SSH2: variants seen among roughly 807,000 people sequenced by gnomAD.
The protein encoded by SSH2 is slingshot protein phosphatase 2, also known as protein phosphatase Slingshot homolog 2.
A neutral mutation model predicts 135.2 loss-of-function variants in SSH2; 37 were observed. The observed-to-expected ratio is 0.27, with a 90% CI of 0.21 to 0.36. The LOEUF is 0.36. SSH2 is among the 10% of genes least tolerant of loss of function. The pLI, the probability that SSH2 is intolerant of heterozygous loss-of-function variation, is 1.00. For missense variants in SSH2, 1,408 were observed against 1,765.3 expected (o/e 0.80, Z 3.63); for synonymous variants, 628 against 646.2 (o/e 0.97, Z 0.43).
chr17:29,909,058 C>T (rs2066715735), intron 1 of SSH2, among the ~76,000 whole-genome samples: 1 of 151,626 alleles, frequency 6.6e-6, no homozygotes, highest in Non-Finnish European at 1.5e-5. Flanking sequence ...GCCTGGGTGA[C>T]AGAGCAAGAC....
intron 2 of SSH2, among the ~76,000 whole-genome samples, chr17:29,835,251 T>A (rs983292677): frequency 6.6e-6 from 1 of 152,210 alleles, no homozygotes; most frequent in Non-Finnish European, 1.5e-5. Context: ...GCAAAAAGAA[T>A]AAGTGGACAG....
intron 2 of SSH2, among the ~76,000 whole-genome samples, chr17:29,820,054 A>G (rs992203126): frequency 1.5e-4 from 23 of 151,832 alleles, no homozygotes; most frequent in African/African-American, 5.6e-4. Flanking sequence ...AAAAAGGTGT[A>G]CTCATCTTGC....
chr17:29,739,236 C>T (rs146572649), intron 3 of SSH2, among the ~76,000 whole-genome samples: 96 of 152,196 alleles, frequency 6.3e-4, no homozygotes, highest in African/African-American at 2.1e-3. Flanking sequence ...GAGTTCGAAC[C>T]GAATCCACTA....
intron 2 of SSH2, among the ~76,000 whole-genome samples, chr17:29,796,155 A>G (rs1467802188): frequency 6.6e-6 from 1 of 152,242 alleles, no homozygotes; most frequent in Non-Finnish European, 1.5e-5. Flanking sequence ...AAGAGCTATA[A>G]TAGTACCAAC....
At chr17:29,772,229 C>T (rs1032671375) in intron 3 of SSH2, among the ~76,000 whole-genome samples, 2 of 150,628 alleles carry the variant, frequency 1.3e-5, no homozygotes, top group Admixed American at 6.6e-5. Context: ...TGAGGTGAGA[C>T]GGAACTAAAA....
chr17:29,885,179 A>T (rs541838202), intron 1 of SSH2, among the ~76,000 whole-genome samples: 24 of 152,170 alleles, frequency 1.6e-4, no homozygotes, highest in African/African-American at 5.8e-4. Flanking sequence ...TAGAGTACTG[A>T]ATTCATTTAC....
intron 3 of SSH2, among the ~76,000 whole-genome samples, chr17:29,743,452 T>C (rs1404205689): frequency 6.6e-6 from 1 of 152,072 alleles, no homozygotes; most frequent in East Asian, 1.9e-4. Context: ...ATTATGACAC[T>C]ATCATTTTCT....
chr17:29,903,318 T>G (rs1449110509), intron 1 of SSH2, among the ~76,000 whole-genome samples: 1 of 149,044 alleles, frequency 6.7e-6, no homozygotes, highest in Non-Finnish European at 1.5e-5. Flanking sequence ...TAATGAATAC[T>G]TTTTAACCAA....
In SSH2 at chr17:29,636,547, A is replaced by C. The variant is rs779745455; in HGVS notation, c.1683T>G (p.Ser561=). 3 of 1,614,178 alleles carry C rather than the reference A, an allele frequency of 1.9e-6. No homozygotes were observed. The South Asian group carries it at 3.3e-5, about 18-fold the overall frequency. Residue 561 remains serine (S), a synonymous_variant, in exon 15 of 16, where the codon TCT becomes TCG. Coordinates refer to ENST00000540801, the MANE Select transcript of SSH2 (RefSeq NM_001282129.2). ...KERMICLEFT[S]REFHAGQIED... ...CAATCTGTCCAGCATGAAATTCCCT[A>C]GAAGTAAACTCCAAGCAGATCATTC...
chr17:29,677,437 GTTC>G (rs2037772362), intron 7 of SSH2, among the ~76,000 whole-genome samples: 1 of 152,148 alleles, frequency 6.6e-6, no homozygotes, highest in Admixed American at 6.5e-5. Flanking sequence ...CAACAAACTA[GTTC>G]TTCTTTGTCT....
chr17:29,677,635 T>C (rs769422814), intron 7 of SSH2, 38 bp downstream of exon 7: 2 of 1,576,354 alleles, frequency 1.3e-6, no homozygotes, highest in Admixed American at 1.7e-5. Context: ...CCCCACCCCT[T>C]GGCTTTCTGT....
At chr17:29,832,469 A>G (rs1214481760) in intron 2 of SSH2, among the ~76,000 whole-genome samples, 1 of 152,140 alleles carries the variant, frequency 6.6e-6, no homozygotes, top group Non-Finnish European at 1.5e-5. Flanking sequence ...TGATGGCTAT[A>G]AAATTTTGTT....
At chr17:29,685,387 G>A (rs186934770) in intron 5 of SSH2, among the ~76,000 whole-genome samples, 147 of 152,282 alleles carry the variant, frequency 9.7e-4, no homozygotes, top group African/African-American at 2.8e-3. Flanking sequence ...TACCTGGAGT[G>A]AAATGACATG....
intron 3 of SSH2, among the ~76,000 whole-genome samples, chr17:29,705,230 T>C (rs2039150359): frequency 6.6e-6 from 1 of 152,210 alleles, no homozygotes; most frequent in Non-Finnish European, 1.5e-5. Flanking sequence ...ACTATCACAC[T>C]GGTCCATGGC....
At chr17:29,704,369 T>C (rs1214980104) in intron 3 of SSH2, among the ~76,000 whole-genome samples, 1 of 152,112 alleles carries the variant, frequency 6.6e-6, no homozygotes, top group East Asian at 1.9e-4. Flanking sequence ...GATGATAATA[T>C]AGGTGGAGAA....
intron 1 of SSH2, among the ~76,000 whole-genome samples, chr17:29,867,427 C>G (rs1405610756): frequency 2.0e-5 from 3 of 152,136 alleles, no homozygotes; most frequent in Non-Finnish European, 4.4e-5. Flanking sequence ...CAAAAAAAAT[C>G]TGTGTAGCTT....
At chr17:29,869,973 C>T (rs966336982) in intron 1 of SSH2, among the ~76,000 whole-genome samples, 29 of 151,752 alleles carry the variant, frequency 1.9e-4, no homozygotes, top group African/African-American at 6.5e-4. Context: ...GGATATTGGT[C>T]GGTACTATTT....
chr17:29,795,321 C>T (rs1362073920), intron 2 of SSH2, among the ~76,000 whole-genome samples: 2 of 152,212 alleles, frequency 1.3e-5, no homozygotes, highest in African/African-American at 4.8e-5. Context: ...CAAAAATATC[C>T]TACAACATTT....
chr17:29,860,918 G>A (rs2065753877), intron 1 of SSH2, among the ~76,000 whole-genome samples: 1 of 150,618 alleles, frequency 6.6e-6, no homozygotes, highest in Non-Finnish European at 1.5e-5. Flanking sequence ...GCTAATTTTT[G>A]TATTTTTAGT....
Sources: gnomAD v4.1 joint callset for allele counts (sites outside exome capture counted in the v4.1 genomes callset) on GRCh38, gnomAD v4.1.1 for gene constraint, MANE v1.5 for transcripts, NCBI Gene and HGNC (gene_info 2026-07-23, HGNC 2026-07-21) for gene names.